Variants in IGSF9B observed in about 807,000 individuals in gnomAD.
The protein encoded by IGSF9B is immunoglobulin superfamily member 9B.
IGSF9B carries 48 observed loss-of-function variants against 143.7 expected under a neutral mutation model. The ratio of observed to expected loss-of-function variants is 0.33; its 90% CI spans 0.26 to 0.42. The LOEUF (loss-of-function observed/expected upper bound fraction) is 0.42. IGSF9B is among the 20% of genes least tolerant of loss of function. IGSF9B has a pLI of 1.00. For synonymous variants in IGSF9B, 903 were observed against 833.1 expected (o/e 1.08, Z -1.44); for missense variants, 1,706 against 1,980.0 (o/e 0.86, Z 2.63).
intron 1 of IGSF9B, among the ~76,000 whole-genome samples, chr11:133,950,760 T>C (rs1444590351): frequency 6.6e-6 from 1 of 152,178 alleles, no homozygotes; most frequent in African/African-American, 2.4e-5. Flanking sequence ...CCTGGCCTTC[T>C]GCCTGAGACT....
In IGSF9B at chr11:133,906,187, G is replaced by A. The variant is rs1466935981; in HGVS notation, c.*2882C>T. Among the ~76,000 whole-genome samples, 2 of 152,220 alleles carry A rather than the reference G, an allele frequency of 1.3e-5. No individual in the cohort carries two copies. Among genetic ancestry groups the A allele is most frequent in the Non-Finnish European group, 2.9e-5 (2 of 68,042 alleles). On this transcript the variant is annotated 3_prime_UTR_variant, in exon 20 of 20. Coordinates refer to ENST00000533871, the MANE Select transcript of IGSF9B (RefSeq NM_001277285.4). Reference sequence around the variant, plus strand: ...CATTGTTCAAAGGCAGACTATGAAGGACACTGGTCCCTAGAGGTGGTTACA... The same window carrying A: ...CATTGTTCAAAGGCAGACTATGAAGAACACTGGTCCCTAGAGGTGGTTACA...
At position 133,920,325 on chromosome 11, in the gene IGSF9B, G is replaced by T. The variant is rs1200084172; in HGVS notation, c.3400C>A (p.Gln1134Lys). 6.3e-7 allele frequency: 1 copy of T among 1,590,134 alleles called. No homozygotes were observed. The highest frequency in any genetic ancestry group is 8.6e-7 in the Non-Finnish European group (1 of 1,167,788). ...RPMQPLVSQG[Q>K]LRHTSQGMGI... ...ATGCCTTGGCTTGTATGTCGCAGCT[G>T]CCCTTGGCTTACCAGAGGTTGCATA... Residue 1134 changes from glutamine (Q) to lysine (K), a missense_variant, in exon 18 of 20, where the codon CAG (glutamine) becomes AAG (lysine). This residue lies in a region of IGSF9B where 880 missense variants were observed against 762.9 expected (regional missense o/e 1.15). Coordinates refer to ENST00000533871, the MANE Select transcript of IGSF9B (RefSeq NM_001277285.4).
intron 18 of IGSF9B, among the ~76,000 whole-genome samples, chr11:133,917,052 G>C (rs562806641): frequency 2.0e-4 from 30 of 152,158 alleles, no homozygotes; most frequent in Non-Finnish European, 3.5e-4. Context: ...TCTTAGGAAT[G>C]AATGAGATTT....
At chr11:133,935,791 G>T in intron 6 of IGSF9B, 29 bp from the exon 7 acceptor site, 1 of 1,604,086 alleles carries the variant, frequency 6.2e-7, no homozygotes, top group Non-Finnish European at 8.5e-7. Context: ...ACAGGGGGTT[G>T]GGCGAGCAGA....
At position 133,940,734 on chromosome 11, in the gene IGSF9B, A is replaced by G. The variant is rs1220233832; in HGVS notation, c.410-2773T>C. Among the ~76,000 whole-genome samples the G allele has an allele frequency of 2.2e-5, 3 of 137,768 alleles. 1 individual carries two copies. Among genetic ancestry groups the G allele is most frequent in the Non-Finnish European group, 4.7e-5 (3 of 63,246 alleles). The allele number at this position is 137,768 out of a possible 152,430, so 90.4% of individuals were successfully genotyped here. The stretch of plus-strand genomic sequence containing the variant: ...CATGTCCTCGCACGCGTCATCACAT[A>G]CAGAAACATACACCTTGCACGTCCT... On this transcript the variant is annotated intron_variant, in intron 3 of 19. Transcript: ENST00000533871.
chr11:133,954,191 G>A (rs1035773282), intron 1 of IGSF9B, among the ~76,000 whole-genome samples: 7 of 152,158 alleles, frequency 4.6e-5, no homozygotes, highest in South Asian at 4.1e-4. Context: ...ACGAGCGGGC[G>A]CCCACCCGCT....
chr11:133,952,006 G>A (rs920335463), intron 1 of IGSF9B: 7 of 454,036 alleles, frequency 1.5e-5, no homozygotes, highest in Non-Finnish European at 2.7e-5. Context: ...CCAGGAGGGA[G>A]GCAAGGGGCC....
rs369131020 is a variant in IGSF9B at position 133,946,294 on chromosome 11, G to A, written c.65-36C>T. The A allele has an allele frequency of 2.3e-5, 37 of 1,576,574 alleles. 1 individual carries two copies. Among genetic ancestry groups the A allele is most frequent in the African/African-American group, 2.2e-4 (16 of 74,240 alleles). ...CGGCCAGGTTGGACACAGAAAGGAG[G>A]TGACAAAGAGATCCTGCCCCAGCAG... is the stretch of plus-strand genomic sequence containing the variant. On this transcript the variant is annotated intron_variant, in intron 1 of 19. Coordinates refer to ENST00000533871, the MANE Select transcript of IGSF9B (RefSeq NM_001277285.4).
rs375626015 is a variant in IGSF9B at position 133,920,583 on chromosome 11, C to T, written c.3142G>A (p.Gly1048Arg). Residue 1048 changes from glycine to arginine, a missense_variant, in exon 18 of 20, where the codon GGG becomes AGG. By Grantham distance (125) the Gly-to-Arg change is moderately radical. Transcript: ENST00000533871. The part of the protein sequence containing the change: ...EPWGRPEFPF[G>R]GLETPAMMFP... The stretch of plus-strand genomic sequence containing the variant: ...ATCATCGCTGGGGTCTCCAGCCCCC[C>T]GAAGGGGAATTCTGGCCGGCCCCAG... The T allele has an allele frequency of 1.2e-5, 20 of 1,613,272 alleles. No individual in the cohort carries two copies. The highest frequency in any genetic ancestry group is 1.6e-4 in the Middle Eastern group (1 of 6,084).
Position 133,909,026 on chromosome 11 carries a change from A to G in IGSF9B, c.*43T>C. ...CCCACACAGTGGCCCTCCCTGCCTGAGCCCAGCAACCTCGCCCCGGGGACA... is the reference window on the plus strand; with the variant it reads ...CCCACACAGTGGCCCTCCCTGCCTGGGCCCAGCAACCTCGCCCCGGGGACA... On this transcript the variant is annotated 3_prime_UTR_variant, in exon 20 of 20. Coordinates refer to ENST00000533871, the MANE Select transcript of IGSF9B (RefSeq NM_001277285.4). This position sits in a 1 kb window ranked among gnomAD's most constrained non-coding sequence, Gnocchi z 4.2. 6.7e-7 allele frequency: 1 copy of G among 1,503,430 alleles called. No homozygotes were observed. The highest frequency in any genetic ancestry group is 2.5e-5 in the East Asian group (1 of 40,628). The allele number at this position is 1,503,430 out of a possible 1,614,324, so 93.1% of individuals were successfully genotyped here. A position where few individuals can be genotyped will look rare whatever the true frequency, so the allele number is the denominator to read the frequency against.
chr11:133,947,784 G>GTGTC (rs938548320), intron 1 of IGSF9B, among the ~76,000 whole-genome samples: 10 of 149,224 alleles, frequency 6.7e-5, no homozygotes, highest in Non-Finnish European at 1.5e-4. Context: ...GTTCCTCTGT[G>GTGTC]TGTCTGTCTG....
rs1939254038 is a variant in IGSF9B at position 133,908,868 on chromosome 11, G to A, written c.*201C>T. On this transcript the variant is annotated 3_prime_UTR_variant, in exon 20 of 20. Transcript: ENST00000533871. ...ATCCACTTCCTGACCTCGACCCACAGGTGGAAGGTGTGCCCACCCTCCGTC... is the reference window on the plus strand; with the variant it reads ...ATCCACTTCCTGACCTCGACCCACAAGTGGAAGGTGTGCCCACCCTCCGTC... 5 of 575,762 alleles carry A rather than the reference G, an allele frequency of 8.7e-6. No homozygotes were observed. In the South Asian group the frequency reaches 9.0e-5, roughly 10 times the overall value. 35.7% of individuals were successfully genotyped at this position (575,762 alleles called of 1,614,324 possible).
intron 3 of IGSF9B, 55 bp downstream of exon 3, chr11:133,944,165 A>G (rs1940000926): frequency 1.3e-6 from 2 of 1,533,976 alleles, no homozygotes; most frequent in Middle Eastern, 1.8e-4. Flanking sequence ...CCCCGGAAAC[A>G]GCCCTCAGGC....
chr11:133,919,000 A>T, intron 18 of IGSF9B: 1 of 481,336 alleles, frequency 2.1e-6, no homozygotes, highest in Non-Finnish European at 4.3e-6. Context: ...GAAGAGGCAC[A>T]GGCAGGCGTC....
chr11:133,956,953 C>T lies in IGSF9B; in HGVS notation c.-199G>A. On this transcript the variant is annotated 5_prime_UTR_variant, in exon 1 of 20. Transcript: ENST00000533871. ...GGCGCGCGCCTCCCCGGCCCCGGCGCAGCGGCACCTGCACTACTCGCCCGG... is the reference window on the plus strand; with the variant it reads ...GGCGCGCGCCTCCCCGGCCCCGGCGTAGCGGCACCTGCACTACTCGCCCGG... 5.3e-6 allele frequency: 2 copies of T among 379,366 alleles called. No individual in the cohort carries two copies. Among genetic ancestry groups the T allele is most frequent in the Admixed American group, 4.6e-5 (1 of 21,770 alleles). The allele number at this position is 379,366 out of a possible 1,614,324, so 23.5% of individuals were successfully genotyped here.
intron 18 of IGSF9B, among the ~76,000 whole-genome samples, chr11:133,919,450 G>A (rs928850458): frequency 1.3e-5 from 2 of 152,228 alleles, no homozygotes; most frequent in African/African-American, 4.8e-5. Flanking sequence ...GCAAGGGCAC[G>A]CGCTGTGATC....
At chr11:133,917,740 C>G (rs1939415341) in intron 18 of IGSF9B, among the ~76,000 whole-genome samples, 1 of 152,118 alleles carries the variant, frequency 6.6e-6, no homozygotes, top group Non-Finnish European at 1.5e-5. Flanking sequence ...CTCGAGAGAG[C>G]CTAATACCAC....
rs550577620 is a variant in IGSF9B at position 133,937,737 on chromosome 11, G to A, written c.561+73C>T. The stretch of plus-strand genomic sequence containing the variant: ...GCTTGTGCCTGTAGCATCAGGGGTC[G>A]GCTGCAGTAGGAGGCTGCCCTGGGG... On this transcript the variant is annotated intron_variant, in intron 4 of 19. Transcript: ENST00000533871. 50 of 1,507,034 alleles carry A rather than the reference G, an allele frequency of 3.3e-5. No homozygotes were observed. The Admixed American group carries it at 3.6e-4, about 11-fold the overall frequency. The allele number at this position is 1,507,034 out of a possible 1,614,324, so 93.4% of individuals were successfully genotyped here.
At chr11:133,955,390 C>T (rs186192034) in intron 1 of IGSF9B, among the ~76,000 whole-genome samples, 3 of 152,252 alleles carry the variant, frequency 2.0e-5, no homozygotes, top group Admixed American at 2.0e-4. Context: ...CCACCACCCC[C>T]CTCAGAAGCA....
Sources: gnomAD v4.1 joint callset for allele counts (sites outside exome capture counted in the v4.1 genomes callset) on GRCh38, gnomAD v4.1.1 for gene constraint, gnomAD v4.1.1 regional missense constraint, Gnocchi (gnomAD v3.1) non-coding constraint, MANE v1.5 for transcripts, NCBI Gene and HGNC (gene_info 2026-07-23, HGNC 2026-07-21) for gene names.